RBFOX1: variants seen among roughly 807,000 people sequenced by gnomAD.
The protein encoded by RBFOX1 is RNA binding protein fox-1 homolog 1.
RBFOX1 carries 8 observed loss-of-function variants against 57.7 expected under a neutral mutation model. That is an observed-to-expected ratio of 0.14 (90% CI 0.08 to 0.25). RBFOX1 has a LOEUF of 0.25. RBFOX1 is among the 10% of genes least tolerant of loss of function. The pLI, the probability that RBFOX1 is intolerant of heterozygous loss-of-function variation, is 1.00. For synonymous variants in RBFOX1, 326 were observed against 222.4 expected (o/e 1.47, Z -4.15); for missense variants, 611 against 548.5 (o/e 1.11, Z -1.14).
chr16:5,755,774 A>G (rs1034853532), intron 3 of RBFOX1, among the ~76,000 whole-genome samples: 5 of 151,704 alleles, frequency 3.3e-5, no homozygotes, highest in African/African-American at 9.7e-5. Context: ...AATTTTTTGT[A>G]TTTAGTAGAC....
intron 4 of RBFOX1, among the ~76,000 whole-genome samples, chr16:7,180,713 T>TAA (rs2082527346): frequency 2.1e-5 from 1 of 46,768 alleles, no homozygotes. Flanking sequence ...GTTATTATGA[T>TAA]GAAAAAAAAA....
chr16:6,939,833 A>G (rs981123838), intron 3 of RBFOX1, among the ~76,000 whole-genome samples: 4 of 152,166 alleles, frequency 2.6e-5, no homozygotes, highest in Non-Finnish European at 4.4e-5. Context: ...CTAAGAGGGT[A>G]TCATATAGCT....
At chr16:6,727,415 GT>G (rs199899016) in intron 3 of RBFOX1, among the ~76,000 whole-genome samples, 6 of 151,190 alleles carry the variant, frequency 4.0e-5, no homozygotes, top group Admixed American at 2.0e-4. Context: ...ATTGTTCCTG[GT>G]TTTTTTTTCT....
intron 4 of RBFOX1, among the ~76,000 whole-genome samples, chr16:7,181,050 C>T (rs766726488): frequency 3.3e-5 from 5 of 152,174 alleles, no homozygotes; most frequent in East Asian, 1.9e-4. Flanking sequence ...CCACAGTCAG[C>T]GAGGCTGATT....
intron 3 of RBFOX1, among the ~76,000 whole-genome samples, chr16:6,963,192 G>C (rs1463200186): frequency 6.6e-6 from 1 of 152,004 alleles, no homozygotes; most frequent in East Asian, 1.9e-4. Context: ...TTTTTTCGGA[G>C]TCCGTCATGC....
At chr16:5,851,392 T>C (rs2056893657) in intron 3 of RBFOX1, among the ~76,000 whole-genome samples, 1 of 152,160 alleles carries the variant, frequency 6.6e-6, no homozygotes, top group African/African-American at 2.4e-5. Context: ...ACCTTTTCCC[T>C]AGACCGCCTC....
chr16:6,807,462 A>C (rs929783981), intron 3 of RBFOX1, among the ~76,000 whole-genome samples: 1 of 152,114 alleles, frequency 6.6e-6, no homozygotes, highest in South Asian at 2.1e-4. Flanking sequence ...GGAGTAGCAC[A>C]CAGGGCTGGG....
intron 3 of RBFOX1, among the ~76,000 whole-genome samples, chr16:6,931,056 C>T (rs1368868414): frequency 1.3e-5 from 2 of 151,694 alleles, no homozygotes; most frequent in East Asian, 1.9e-4. Flanking sequence ...GTTTGTTTTT[C>T]ATTGCTGTAT....
chr16:6,650,899 T>C (rs2098585463), intron 2 of RBFOX1, among the ~76,000 whole-genome samples: 1 of 152,132 alleles, frequency 6.6e-6, no homozygotes, highest in Admixed American at 6.5e-5. Context: ...GGTTGTTTAA[T>C]TGATTGGTTG....
exon 3 of RBFOX1, chr16:5,599,371 C>G (rs573798076): frequency 1.7e-6 from 1 of 599,256 alleles, no homozygotes; most frequent in Non-Finnish European, 3.0e-6. Context: ...TTACTGAGTG[C>G]TCTGGGGTCC....
At chr16:6,025,840 C>A (rs140920296) in intron 1 of RBFOX1, among the ~76,000 whole-genome samples, 1 of 152,164 alleles carries the variant, frequency 6.6e-6, no homozygotes, top group African/African-American at 2.4e-5. Context: ...CAGTTTTCCT[C>A]CCACATTGAC....
At chr16:6,073,451 A>G (rs946133142) in intron 1 of RBFOX1, among the ~76,000 whole-genome samples, 7 of 152,200 alleles carry the variant, frequency 4.6e-5, no homozygotes, top group Admixed American at 3.9e-4. Context: ...TGAAAAACCA[A>G]GGAAGTTCAT....
At chr16:7,579,962 T>C in intron 6 of RBFOX1, 42 bp downstream of exon 6, 1 of 1,599,622 alleles carries the variant, frequency 6.3e-7, no homozygotes, top group Non-Finnish European at 8.6e-7. Flanking sequence ...GCTCTGGGGG[T>C]TCCAGAGACC....
At chr16:7,077,718 T>C (rs1318919037) in intron 4 of RBFOX1, among the ~76,000 whole-genome samples, 2 of 152,228 alleles carry the variant, frequency 1.3e-5, no homozygotes, top group African/African-American at 2.4e-5. Context: ...AAATGGAATG[T>C]TCTGGGGTTG....
intron 4 of RBFOX1, among the ~76,000 whole-genome samples, chr16:7,500,376 G>C (rs539914514): frequency 6.6e-6 from 1 of 152,194 alleles, no homozygotes; most frequent in Non-Finnish European, 1.5e-5. Flanking sequence ...TGTAAGTCCA[G>C]TGAGGTTGTA....
intron 4 of RBFOX1, among the ~76,000 whole-genome samples, chr16:7,388,496 G>T (rs975087064): frequency 6.6e-6 from 1 of 151,890 alleles, no homozygotes; most frequent in African/African-American, 2.4e-5. Context: ...CTCTCTGCCC[G>T]GGATAACTTG....
chr16:7,388,610 C>T (rs574425349), intron 4 of RBFOX1, among the ~76,000 whole-genome samples: 1 of 150,358 alleles, frequency 6.7e-6, no homozygotes, highest in South Asian at 2.1e-4. Context: ...AATACACATC[C>T]AGGCAGTCCC....
chr16:6,999,204 TTATTTTTA>T (rs1568299673), intron 3 of RBFOX1, among the ~76,000 whole-genome samples: 46 of 71,972 alleles, frequency 6.4e-4, no homozygotes, highest in African/African-American at 2.5e-3. Flanking sequence ...ATTTTATTTT[TTATTTTTA>T]TTTATTTTTT....
At chr16:7,586,605 C>T (rs1602558870) in intron 6 of RBFOX1, among the ~76,000 whole-genome samples, 1 of 152,180 alleles carries the variant, frequency 6.6e-6, no homozygotes, top group South Asian at 2.1e-4. Flanking sequence ...ATCTGAGTCT[C>T]TGTTTCTGGA....
Sources: allele counts gnomAD v4.1 joint callset (sites outside exome capture counted in the v4.1 genomes callset), GRCh38; gene constraint gnomAD v4.1.1; transcripts MANE v1.5; gene names NCBI Gene and HGNC (gene_info 2026-07-23, HGNC 2026-07-21).